The following HLF variants were observed in gnomAD, a reference collection of about 807,000 sequenced individuals.
HLF encodes the protein HLF transcription factor, PAR bZIP family member, also known as hepatic leukemia factor.
In HLF, 3 loss-of-function variants were observed where a neutral mutation model predicts 22.6. The observed-to-expected ratio is 0.13, with a 90% CI of 0.06 to 0.34. HLF has a LOEUF of 0.34. HLF is among the 10% of genes least tolerant of loss of function. The pLI is 1.00. For missense variants in HLF, 299 were observed against 389.2 expected (o/e 0.77, Z 1.95); for synonymous variants, 151 against 151.8 (o/e 0.99, Z 0.04).
rs988572328 is a variant in HLF, at chr17:55,322,566, C to G, written c.*1687C>G. ...TTAAATTAAAATTTTATGACAGTAT[C>G]GAGGCTTGTGATGACGAATCCTGCT... On this transcript the variant is annotated 3_prime_UTR_variant, in exon 4 of 4. Coordinates refer to ENST00000226067, the MANE Select transcript of HLF (RefSeq NM_002126.5). 2 of 216,630 alleles carry G rather than the reference C, an allele frequency of 9.2e-6. No homozygotes were observed. The highest frequency in any genetic ancestry group is 1.2e-4 in the Admixed American group (2 of 17,196). The allele number at this position is 216,630 out of a possible 1,614,324, so 13.4% of individuals were successfully genotyped here.
chr17:55,277,274 T>TGTGTGTGTGTGCGC (rs71361764), intron 2 of HLF, among the ~76,000 whole-genome samples: 2 of 113,896 alleles, frequency 1.8e-5, no homozygotes, highest in African/African-American at 6.6e-5. Context: ...TGTGTGTGTG[T>TGTGTGTGTGTGCGC]GCGCGCGCAT....
intron 2 of HLF, among the ~76,000 whole-genome samples, chr17:55,291,824 G>A (rs935066353): frequency 1.3e-5 from 2 of 152,206 alleles, no homozygotes; most frequent in South Asian, 4.1e-4. Context: ...TGATTCATGG[G>A]AAGGGACATT....
Position 55,265,356 on chromosome 17 carries a change from C to T in HLF, c.-129C>T, listed in dbSNP as rs1355075790. On this transcript the variant is annotated 5_prime_UTR_variant, in exon 1 of 4. Transcript: ENST00000226067. Reference sequence around the variant, plus strand: ...AAAGATATAAGTAATTTTTTTCTTCCCTTTTCTCCACCGCCTTGAGAGCGA... The same window carrying T: ...AAAGATATAAGTAATTTTTTTCTTCTCTTTTCTCCACCGCCTTGAGAGCGA... 2.0e-5 allele frequency: 12 copies of T among 611,608 alleles called. No individual in the cohort carries two copies. The highest frequency in any genetic ancestry group is 9.5e-5 in the African/African-American group (5 of 52,362). 37.9% of individuals were successfully genotyped at this position (611,608 alleles called of 1,614,324 possible).
intron 2 of HLF, among the ~76,000 whole-genome samples, chr17:55,298,758 A>T (rs1385996523): frequency 6.6e-6 from 1 of 152,194 alleles, no homozygotes; most frequent in African/African-American, 2.4e-5. Context: ...CATTTTTATT[A>T]CGTGTGTAAA....
At chr17:55,284,942 A>G (rs1458983566) in intron 2 of HLF, among the ~76,000 whole-genome samples, 1 of 152,154 alleles carries the variant, frequency 6.6e-6, no homozygotes, top group Non-Finnish European at 1.5e-5. Flanking sequence ...ATATAGATAT[A>G]TATAGATTGA....
rs564986686 is a variant in HLF at position 55,302,595 on chromosome 17, A to G, written c.452-12632A>G. Reference sequence around the variant, plus strand: ...AGGGGTTCTTAGTGAACATCAGCGAATATTGTCGCTGATTTCGTCTCCTGC... The same window carrying G: ...AGGGGTTCTTAGTGAACATCAGCGAGTATTGTCGCTGATTTCGTCTCCTGC... On this transcript the variant is annotated intron_variant, in intron 2 of 3. Transcript: ENST00000226067. 3.9e-5 allele frequency among the ~76,000 whole-genome samples: 6 copies of G among 152,282 alleles called. No homozygotes were observed. The South Asian group carries it at 1.2e-3, about 32-fold the overall frequency.
chr17:55,291,846 A>G (rs2081065652), intron 2 of HLF, among the ~76,000 whole-genome samples: 1 of 152,234 alleles, frequency 6.6e-6, no homozygotes, highest in Non-Finnish European at 1.5e-5. Context: ...ATTAACTCCA[A>G]CATAAACTGA....
At chr17:55,290,141 T>C (rs1292865697) in intron 2 of HLF, among the ~76,000 whole-genome samples, 1 of 152,196 alleles carries the variant, frequency 6.6e-6, no homozygotes, top group Admixed American at 6.5e-5. Context: ...CAGAAGGCCT[T>C]GGTACAGCCT....
intron 2 of HLF, among the ~76,000 whole-genome samples, chr17:55,269,176 G>A (rs185496118): frequency 6.6e-6 from 1 of 152,266 alleles, no homozygotes; most frequent in Admixed American, 6.5e-5. Flanking sequence ...AGGAAATGAT[G>A]TAAAGGAGGA....
At chr17:55,289,154 A>G (rs876720) in intron 2 of HLF, among the ~76,000 whole-genome samples, 67,026 of 152,008 alleles carry the variant, frequency 0.44, 15,455 homozygotes, top group East Asian at 0.77. Context: ...GATTTGGTTT[A>G]CAGAATGGCA....
intron 2 of HLF, among the ~76,000 whole-genome samples, chr17:55,291,262 A>G (rs1043490499): frequency 6.6e-6 from 1 of 152,246 alleles, no homozygotes; most frequent in Non-Finnish European, 1.5e-5. Flanking sequence ...AGAAGACACC[A>G]TGTAAAAGTT....
chr17:55,274,792 G>A (rs576876514), intron 2 of HLF, among the ~76,000 whole-genome samples: 6 of 152,324 alleles, frequency 3.9e-5, no homozygotes, highest in African/African-American at 1.2e-4. Context: ...TTGTCACAGT[G>A]CCTCGCACAC....
intron 2 of HLF, among the ~76,000 whole-genome samples, chr17:55,282,441 C>CG (rs2080963001): frequency 6.6e-6 from 1 of 152,218 alleles, no homozygotes; most frequent in African/African-American, 2.4e-5. Flanking sequence ...TTCTAACTTA[C>CG]AAGTATGTCA....
Position 55,321,067 on chromosome 17 carries a change from C to T in HLF, c.*188C>T, listed in dbSNP as rs1905246578. ...TGCTTGTGCTCATGTGTGTGGTCAG[C>T]GGTATGTGCGTGTGCGTGTTCCTTT... On this transcript the variant is annotated 3_prime_UTR_variant, in exon 4 of 4. Transcript: ENST00000226067. 3 of 579,578 alleles carry T rather than the reference C, an allele frequency of 5.2e-6. No individual in the cohort carries two copies. Among genetic ancestry groups the T allele is most frequent in the Non-Finnish European group, 9.3e-6 (3 of 321,700 alleles). The allele number at this position is 579,578 out of a possible 1,614,324, so 35.9% of individuals were successfully genotyped here.
rs926176665 is a variant in HLF at position 55,297,036 on chromosome 17, G to C, written c.452-18191G>C. Among the ~76,000 whole-genome samples, 4 of 152,230 alleles carry C rather than the reference G, an allele frequency of 2.6e-5. No homozygotes were observed. In the East Asian group the frequency reaches 5.8e-4, roughly 22 times the overall value. ...AGGAGACGCAGCTCCCACTGATGAT[G>C]CCTGGGTCATGTCCTTTCAGATCCA... is the stretch of plus-strand genomic sequence containing the variant. On this transcript the variant is annotated intron_variant, in intron 2 of 3. Transcript: ENST00000226067.
intron 2 of HLF, among the ~76,000 whole-genome samples, chr17:55,301,428 A>G (rs2081156485): frequency 6.6e-6 from 1 of 152,234 alleles, no homozygotes; most frequent in East Asian, 1.9e-4. Flanking sequence ...AAGATTTGCA[A>G]TCTCGTTGAT....
At chr17:55,268,599 T>C (rs561261770) in intron 2 of HLF, among the ~76,000 whole-genome samples, 24 of 152,294 alleles carry the variant, frequency 1.6e-4, no homozygotes, top group African/African-American at 5.8e-4. Context: ...TATTTTTTTT[T>C]CCATCCTTTT....
chr17:55,267,695 G>A (rs2080806841), intron 1 of HLF, 56 bp from the exon 2 acceptor site: 2 of 1,223,138 alleles, frequency 1.6e-6, no homozygotes, highest in Non-Finnish European at 2.3e-6. Flanking sequence ...TAAAAGAGCG[G>A]TATTGTTTTT....
rs775794711 is a variant in HLF, at chr17:55,267,939, T to C, written c.304T>C (p.Ser102Pro). Residue 102 changes from serine (S) to proline (P), a missense_variant, in exon 2 of 4, where the codon TCT (serine) becomes CCT (proline). By Grantham distance (74) the Ser-to-Pro change is moderately conservative. Coordinates refer to ENST00000226067, the MANE Select transcript of HLF (RefSeq NM_002126.5). ...LSENGIPPSPSQHDHSPHPPG... is the reference protein window; with the variant it reads ...LSENGIPPSPPQHDHSPHPPG... ...AGAAAATGGCATTCCCCCCAGCCCA[T>C]CTCAGCATGACCACAGCCCTCACCC... 3.7e-6 allele frequency: 6 copies of C among 1,614,066 alleles called. No homozygotes were observed. In the East Asian group the frequency reaches 1.3e-4, roughly 36 times the overall value.
Sources: allele counts gnomAD v4.1 joint callset (sites outside exome capture counted in the v4.1 genomes callset), GRCh38; gene constraint gnomAD v4.1.1; transcripts MANE v1.5; gene names NCBI Gene and HGNC (gene_info 2026-07-23, HGNC 2026-07-21).